Variants in IL1RAPL2 observed in about 807,000 individuals in gnomAD.
IL1RAPL2 encodes the protein X-linked interleukin-1 receptor accessory protein-like 2.
In IL1RAPL2, 3 loss-of-function variants were observed where a neutral mutation model predicts 44.1. That is an observed-to-expected ratio of 0.07 (90% CI 0.03 to 0.18). The LOEUF is 0.18. Among genes scored for constraint, IL1RAPL2 ranks in the 10% least tolerant of loss-of-function variants. The probability of loss-of-function intolerance (pLI) is 1.00; values close to 1 mark genes in which losing one functional copy is unlikely to be tolerated. For synonymous variants in IL1RAPL2, 181 were observed against 178.8 expected, an observed-to-expected ratio of 1.01 and a Z score of -0.10; for missense variants, 391 against 496.4, an observed-to-expected ratio of 0.79 and a Z score of 2.02.
chrX:105,073,824 C>G (rs896415216), intron 2 of IL1RAPL2, among the ~76,000 whole-genome samples: 2 of 111,839 alleles, frequency 1.8e-5, no homozygotes, highest in Admixed American at 9.5e-5. Flanking sequence ...GTTTTTTTGG[C>G]TGCATAAATG....
chrX:105,574,360 G>A (rs1306195987), intron 6 of IL1RAPL2, among the ~76,000 whole-genome samples: 3 of 111,443 alleles, frequency 2.7e-5, no homozygotes, highest in African/African-American at 9.8e-5. Flanking sequence ...GAGGGAATCT[G>A]CAGGGGAGAG....
At chrX:105,205,419 G>A (rs1206720450) in intron 3 of IL1RAPL2, among the ~76,000 whole-genome samples, 3 of 105,379 alleles carry the variant, frequency 2.8e-5, no homozygotes, top group Non-Finnish European at 5.8e-5. Context: ...TGTAACCCCT[G>A]TCTCTACTAA....
rs761391071 is a variant in IL1RAPL2 at position 105,245,968 on chromosome X, A to G, written c.543+11964A>G. Among the ~76,000 whole-genome samples, 3 of 112,635 alleles carry G rather than the reference A, an allele frequency of 2.7e-5. No individual in the cohort carries two copies. In the Admixed American group the frequency reaches 2.8e-4, roughly 11 times the overall value. On this transcript the variant is annotated intron_variant, in intron 4 of 10. Transcript: ENST00000372582. ...ATGATGGATGGTTCAGTACAAACTT[A>G]TTTGTACAACTGATCATTCATTCAG...
chrX:105,540,905 A>ATATTATATATCATATATAATATATG (rs2036725930), intron 6 of IL1RAPL2, among the ~76,000 whole-genome samples: 4 of 49,350 alleles, frequency 8.1e-5, no homozygotes, highest in African/African-American at 3.5e-4. Flanking sequence ...TATAATACAT[A>ATATTATATATCATATATAATATATG]CATATATTAT....
Position 105,598,459 on chromosome X carries a change from T to C in IL1RAPL2, c.772+114072T>C, listed in dbSNP as rs747832955. On this transcript the variant is annotated intron_variant, in intron 6 of 10. Coordinates refer to ENST00000372582, the MANE Select transcript of IL1RAPL2 (RefSeq NM_017416.2). ...AAGGGGTAGATTTTAGGTGCTCTTA[T>C]TGAAAAAAGGAAACTATGTGAGGTG... Among the ~76,000 whole-genome samples, 5 of 111,110 alleles carry C rather than the reference T, an allele frequency of 4.5e-5. No homozygotes were observed. The South Asian group carries it at 1.9e-3, about 42-fold the overall frequency.
chrX:104,817,083 A>G (rs906160264), intron 2 of IL1RAPL2, among the ~76,000 whole-genome samples: 2 of 112,967 alleles, frequency 1.8e-5, no homozygotes, highest in Non-Finnish European at 3.7e-5. Flanking sequence ...TAGAAACATG[A>G]TTGGACAAAA....
intron 2 of IL1RAPL2, among the ~76,000 whole-genome samples, chrX:104,864,540 C>G (rs1290506791): frequency 8.9e-6 from 1 of 111,814 alleles, no homozygotes; most frequent in African/African-American, 3.3e-5. Context: ...TATTGAGTGT[C>G]AACTTGATTG....
chrX:104,709,978 A>T (rs776984319), intron 2 of IL1RAPL2, among the ~76,000 whole-genome samples: 6 of 111,420 alleles, frequency 5.4e-5, no homozygotes, highest in South Asian at 3.8e-4. Context: ...ATAATAATAA[A>T]AAAAAGAAAC....
At chrX:104,726,036 T>C (rs77982582) in intron 2 of IL1RAPL2, among the ~76,000 whole-genome samples, 4 of 112,045 alleles carry the variant, frequency 3.6e-5, no homozygotes, top group African/African-American at 9.7e-5. Context: ...TTTAAGTCTT[T>C]AATCCATCTT....
intron 4 of IL1RAPL2, among the ~76,000 whole-genome samples, chrX:105,250,264 T>A (rs1274776945): frequency 4.5e-5 from 5 of 110,962 alleles, no homozygotes; most frequent in Non-Finnish European, 9.5e-5. Flanking sequence ...TGGGAAACAA[T>A]TTTTAGGATG....
intron 2 of IL1RAPL2, among the ~76,000 whole-genome samples, chrX:105,010,931 A>G (rs185195342): frequency 3.6e-5 from 4 of 111,377 alleles, no homozygotes; most frequent in African/African-American, 1.3e-4. Flanking sequence ...TCTGAGGATA[A>G]GTTATTCTCC....
intron 2 of IL1RAPL2, among the ~76,000 whole-genome samples, chrX:105,078,083 C>A (rs199657249): frequency 2.7e-5 from 3 of 112,073 alleles, no homozygotes; most frequent in Non-Finnish European, 5.6e-5. Flanking sequence ...TGAGGAGCTG[C>A]GTTCCTTTGG....
chrX:104,603,301 A>G (rs1382516553), intron 1 of IL1RAPL2, among the ~76,000 whole-genome samples: 1 of 111,815 alleles, frequency 8.9e-6, no homozygotes, highest in Non-Finnish European at 1.9e-5. Flanking sequence ...TCTTAAGGTC[A>G]CCAACATCAA....
intron 2 of IL1RAPL2, among the ~76,000 whole-genome samples, chrX:104,690,220 C>A (rs766617829): frequency 8.9e-6 from 1 of 112,228 alleles, no homozygotes; most frequent in Non-Finnish European, 1.9e-5. Flanking sequence ...GGATAGCAAA[C>A]CTAATGCAAT....
At chrX:104,849,250 A>T (rs1332553837) in intron 2 of IL1RAPL2, among the ~76,000 whole-genome samples, 1 of 104,603 alleles carries the variant, frequency 9.6e-6, no homozygotes, top group Non-Finnish European at 2.0e-5. Context: ...CAGGCTGGCC[A>T]CGTTGCCCAG....
At chrX:104,698,689 A>G in intron 2 of IL1RAPL2, among the ~76,000 whole-genome samples, 1 of 112,185 alleles carries the variant, frequency 8.9e-6, no homozygotes, top group Non-Finnish European at 1.9e-5. Context: ...GCCGGCTTTC[A>G]TGATATCTGT....
At chrX:104,784,428 A>G (rs185152184) in intron 2 of IL1RAPL2, among the ~76,000 whole-genome samples, 10 of 111,805 alleles carry the variant, frequency 8.9e-5, no homozygotes, top group Middle Eastern at 4.6e-3. Context: ...CTCCTAAGAC[A>G]CTGTGAATAT....
chrX:105,234,026 T>C lies in IL1RAPL2; in HGVS notation c.543+22T>C, dbSNP rs2034097216. The stretch of plus-strand genomic sequence containing the variant: ...TAAGGTAACTCAGCATGGTGTCAAA[T>C]TCATATTTTACCTCAGTCAATAGCA... On this transcript the variant is annotated intron_variant, in intron 4 of 10. Coordinates refer to ENST00000372582, the MANE Select transcript of IL1RAPL2 (RefSeq NM_017416.2). 5 of 1,156,729 alleles carry C rather than the reference T, an allele frequency of 4.3e-6. No individual in the cohort carries two copies. The East Asian group carries it at 1.5e-4, about 35-fold the overall frequency.
intron 2 of IL1RAPL2, among the ~76,000 whole-genome samples, chrX:104,676,492 T>G (rs1930761006): frequency 8.9e-6 from 1 of 112,195 alleles, no homozygotes; most frequent in Non-Finnish European, 1.9e-5. Context: ...TGGGCTTCCC[T>G]TTGTGGGCAA....
Sources: gnomAD v4.1 joint callset for allele counts (sites outside exome capture counted in the v4.1 genomes callset) on GRCh38, gnomAD v4.1.1 for gene constraint, MANE v1.5 for transcripts, NCBI Gene and HGNC (gene_info 2026-07-23, HGNC 2026-07-21) for gene names.